NPAS3: variants seen among roughly 807,000 people sequenced by gnomAD.
NPAS3 encodes neuronal PAS domain-containing protein 3.
NPAS3 carries 14 observed loss-of-function variants against 73.1 expected under a neutral mutation model. The observed-to-expected ratio is 0.19, with a 90% CI of 0.13 to 0.30. The LOEUF (loss-of-function observed/expected upper bound fraction) is 0.30, where lower values mean the gene tolerates loss of function less well. NPAS3 is among the 10% of genes least tolerant of loss of function. The pLI, the probability that NPAS3 is intolerant of heterozygous loss-of-function variation, is 1.00. For missense variants in NPAS3, 1,096 were observed against 1,250.0 expected (o/e 0.88, Z 1.86); for synonymous variants, 620 against 541.5 (o/e 1.14, Z -2.01).
intron 2 of NPAS3, among the ~76,000 whole-genome samples, chr14:33,156,589 G>A (rs1325109314): frequency 6.6e-6 from 1 of 152,074 alleles, no homozygotes; most frequent in African/African-American, 2.4e-5. Context: ...CATGATCATT[G>A]CTTAGTATTC....
At chr14:33,143,936 GATATA>G (rs1161253665) in intron 2 of NPAS3, among the ~76,000 whole-genome samples, 5 of 152,076 alleles carry the variant, frequency 3.3e-5, no homozygotes, top group Non-Finnish European at 5.9e-5. Flanking sequence ...CCATTGTGTG[GATATA>G]ATATAACTTT....
intron 4 of NPAS3, among the ~76,000 whole-genome samples, chr14:33,451,561 T>C (rs981813255): frequency 1.3e-5 from 2 of 152,222 alleles, no homozygotes; most frequent in Non-Finnish European, 2.9e-5. Flanking sequence ...AAATAAGCTA[T>C]GATAGACACT....
At chr14:33,461,036 TTA>T (rs2050241214) in intron 4 of NPAS3, among the ~76,000 whole-genome samples, 1 of 152,242 alleles carries the variant, frequency 6.6e-6, no homozygotes, top group Non-Finnish European at 1.5e-5. Context: ...CAAGGGTAAC[TTA>T]TTAGTATTAT....
intron 3 of NPAS3, among the ~76,000 whole-genome samples, chr14:33,341,756 T>C (rs1176200726): frequency 6.6e-6 from 1 of 152,170 alleles, no homozygotes. Context: ...GCTCTGCATC[T>C]TGTGTTGGTT....
intron 5 of NPAS3, among the ~76,000 whole-genome samples, chr14:33,645,980 T>C (rs1460984134): frequency 6.6e-6 from 1 of 152,234 alleles, no homozygotes; most frequent in African/African-American, 2.4e-5. Context: ...TTGAAATGTA[T>C]GTCTTTGCAA....
chr14:33,295,559 G>A (rs2042262796), intron 3 of NPAS3, among the ~76,000 whole-genome samples: 1 of 152,178 alleles, frequency 6.6e-6, no homozygotes, highest in Non-Finnish European at 1.5e-5. Flanking sequence ...ATTGCTGTCA[G>A]CATCAACTTC....
rs530502297 is a variant in NPAS3 at position 33,282,706 on chromosome 14, C to T, written c.385+67280C>T. Among the ~76,000 whole-genome samples, 517 of 152,220 alleles carry T rather than the reference C, an allele frequency of 3.4e-3. 2 individuals are homozygous for T. The highest frequency in any genetic ancestry group is 6.2e-3 in the Non-Finnish European group (420 of 68,004). ...CTAATTGTCTTTTAACTAGTCTGCTCGACTGCTAGCCTGGAGCGGGACTGA... is the reference window on the plus strand; with the variant it reads ...CTAATTGTCTTTTAACTAGTCTGCTTGACTGCTAGCCTGGAGCGGGACTGA... On this transcript the variant is annotated intron_variant, in intron 3 of 11. Transcript: ENST00000356141.
chr14:33,150,007 A>G (rs1408700381), intron 2 of NPAS3, among the ~76,000 whole-genome samples: 1 of 151,450 alleles, frequency 6.6e-6, no homozygotes, highest in Admixed American at 6.6e-5. Context: ...TCATTGTTCA[A>G]CTCCCATTTA....
chr14:33,512,969 C>A (rs1566962943), intron 4 of NPAS3, among the ~76,000 whole-genome samples: 1 of 151,910 alleles, frequency 6.6e-6, no homozygotes, highest in Non-Finnish European at 1.5e-5. Context: ...AGTTGGTAAC[C>A]CCCAATGTGT....
intron 5 of NPAS3, among the ~76,000 whole-genome samples, chr14:33,662,733 T>C (rs1157723632): frequency 6.6e-6 from 1 of 152,174 alleles, no homozygotes; most frequent in Non-Finnish European, 1.5e-5. Flanking sequence ...AGTTCACTCA[T>C]GATTTAGGTC....
At chr14:33,612,057 C>G (rs913654373) in intron 5 of NPAS3, among the ~76,000 whole-genome samples, 9 of 152,240 alleles carry the variant, frequency 5.9e-5, no homozygotes, top group African/African-American at 1.4e-4. Context: ...GGGATCTGCC[C>G]CAGGTGACAG....
intron 4 of NPAS3, among the ~76,000 whole-genome samples, chr14:33,471,053 C>G (rs753944703): frequency 5.3e-5 from 8 of 152,164 alleles, no homozygotes; most frequent in Non-Finnish European, 1.2e-4. Context: ...CAGTTATACG[C>G]TGTCCTCCAG....
chr14:33,236,226 G>A (rs1444302909), intron 3 of NPAS3, among the ~76,000 whole-genome samples: 1 of 151,974 alleles, frequency 6.6e-6, no homozygotes, highest in Non-Finnish European at 1.5e-5. Context: ...CAGAAGTGGT[G>A]GATTGAAGCT....
intron 4 of NPAS3, among the ~76,000 whole-genome samples, chr14:33,469,384 CTT>C (rs1448553346): frequency 5.3e-5 from 8 of 151,392 alleles, no homozygotes. Context: ...TCATTAAACT[CTT>C]GTGGCAACTC....
chr14:32,963,932 A>T (rs2037037903), intron 1 of NPAS3, among the ~76,000 whole-genome samples: 2 of 152,006 alleles, frequency 1.3e-5, no homozygotes, highest in Admixed American at 1.3e-4. Context: ...GGTCTGAGAC[A>T]CCATTAATTA....
At chr14:33,039,174 C>T (rs2040268722) in intron 1 of NPAS3, among the ~76,000 whole-genome samples, 1 of 152,110 alleles carries the variant, frequency 6.6e-6, no homozygotes, top group Non-Finnish European at 1.5e-5. Context: ...GATGCTCATT[C>T]TGAGGTTATT....
At chr14:33,166,318 G>A (rs989904476) in intron 2 of NPAS3, among the ~76,000 whole-genome samples, 26 of 152,164 alleles carry the variant, frequency 1.7e-4, no homozygotes, top group Non-Finnish European at 3.2e-4. Context: ...AGCAGAGATT[G>A]CATCCTTCTG....
intron 5 of NPAS3, among the ~76,000 whole-genome samples, chr14:33,610,564 C>T (rs2057719184): frequency 6.6e-6 from 1 of 152,054 alleles, no homozygotes; most frequent in African/African-American, 2.4e-5. Context: ...ATTCTCTCAC[C>T]AGTATTTTTA....
chr14:33,418,049 A>T (rs1008014866), intron 4 of NPAS3, among the ~76,000 whole-genome samples: 7 of 150,148 alleles, frequency 4.7e-5, no homozygotes, highest in African/African-American at 1.7e-4. Context: ...GCAATGCAGG[A>T]TTTTTTTTTT....
Sources: allele counts gnomAD v4.1 joint callset (sites outside exome capture counted in the v4.1 genomes callset), GRCh38; gene constraint gnomAD v4.1.1; transcripts MANE v1.5; gene names NCBI Gene and HGNC (gene_info 2026-07-23, HGNC 2026-07-21).